The following FLACC1 variants were observed in gnomAD, a reference collection of about 807,000 sequenced individuals.
FLACC1 encodes flagellum-associated coiled-coil domain-containing protein 1.
A neutral mutation model predicts 62.8 loss-of-function variants in FLACC1; 66 were observed. The observed-to-expected ratio is 1.05, with a 90% CI of 0.86 to 1.29. The LOEUF is 1.29. Ranked by LOEUF, FLACC1 falls within the 50% of genes most tolerant of loss-of-function variation. The pLI is 0.00. For synonymous variants in FLACC1, 156 were observed against 161.0 expected (o/e 0.97, Z 0.24); for missense variants, 452 against 489.1 (o/e 0.92, Z 0.71).
At position 201,348,319 on chromosome 2, in the gene FLACC1, T is replaced by C. The variant is rs1299824777; in HGVS notation, c.186-17A>G. ...ATTTTCATTCTGCAAGAGAAAGACA[T>C]GCTCAGAAAGCAACCAGACAGCAAA... On this transcript the variant is annotated splice_polypyrimidine_tract_variant and intron_variant, in intron 3 of 14. Coordinates refer to ENST00000392257, the MANE Select transcript of FLACC1 (RefSeq NM_001127391.3). The C allele has an allele frequency of 6.2e-7, 1 of 1,610,756 alleles. No homozygotes were observed. Among genetic ancestry groups the C allele is most frequent in the South Asian group, 1.1e-5 (1 of 90,696 alleles).
intron 9 of FLACC1, among the ~76,000 whole-genome samples, chr2:201,323,784 C>CAAAAAAAAAAGAAAA (rs1950448740): frequency 1.9e-5 from 1 of 52,768 alleles, no homozygotes; most frequent in African/African-American, 1.0e-4. Flanking sequence ...CAGACTCTAT[C>CAAAAAAAAAAGAAAA]AAAAAAAAAA....
chr2:201,290,601 A>G (rs1949711008), intron 12 of FLACC1, among the ~76,000 whole-genome samples: 1 of 152,180 alleles, frequency 6.6e-6, no homozygotes, highest in African/African-American at 2.4e-5. Context: ...TCCCAGCGTG[A>G]GCGATGCAGA....
At chr2:201,359,756 C>T (rs751581535), upstream of FLACC1, among the ~76,000 whole-genome samples, 3 of 152,060 alleles carry the variant, frequency 2.0e-5, no homozygotes, top group Non-Finnish European at 4.4e-5. Flanking sequence ...GCTGCTTCAA[C>T]TCTGAGCACC....
chr2:201,303,196 G>A (rs1310861281), intron 11 of FLACC1, among the ~76,000 whole-genome samples: 1 of 151,872 alleles, frequency 6.6e-6, no homozygotes, highest in Non-Finnish European at 1.5e-5. Flanking sequence ...GACTAATAAA[G>A]AAGAAAAGAG....
At position 201,346,694 on chromosome 2, in the gene FLACC1, T is replaced by G; in HGVS notation, c.235-19A>C. ...TCACTTCCTAGGCATCAAGGGAAAG[T>G]AAGATAAAATGGCAGACTTGGAGTG... On this transcript the variant is annotated intron_variant, in intron 4 of 14. Coordinates refer to ENST00000392257, the MANE Select transcript of FLACC1 (RefSeq NM_001127391.3). This position sits in a 1 kb window ranked among gnomAD's most constrained non-coding sequence, Gnocchi z 4.0. The G allele has an allele frequency of 6.2e-7, 1 of 1,613,806 alleles. No homozygotes were observed. The highest frequency in any genetic ancestry group is 8.5e-7 in the Non-Finnish European group (1 of 1,179,972).
upstream of FLACC1, among the ~76,000 whole-genome samples, chr2:201,358,682 G>C (rs1263740586): frequency 2.0e-5 from 3 of 152,048 alleles, no homozygotes; most frequent in African/African-American, 7.2e-5. Flanking sequence ...CTCCCAAAGT[G>C]CTGGGATTAC....
At chr2:201,309,300 G>T in intron 9 of FLACC1, 50 bp from the exon 10 acceptor site, 2 of 1,403,072 alleles carry the variant, frequency 1.4e-6, no homozygotes, top group Non-Finnish European at 2.0e-6. Context: ...AAATGAAGGT[G>T]ACCTGGAGAG....
chr2:201,352,277 C>G (rs16837201), intron 1 of FLACC1, among the ~76,000 whole-genome samples: 2,553 of 152,302 alleles, frequency 0.017, 34 homozygotes, highest in Middle Eastern at 0.041. Flanking sequence ...AATGAATCTC[C>G]TCGTTTCTCA....
At chr2:201,353,568 T>C (rs1051202381) in intron 1 of FLACC1, among the ~76,000 whole-genome samples, 5 of 152,156 alleles carry the variant, frequency 3.3e-5, no homozygotes. Context: ...TGTCAGTGGA[T>C]ATTTCTTTTC....
intron 7 of FLACC1, among the ~76,000 whole-genome samples, chr2:201,336,335 G>A (rs1363084086): frequency 6.6e-6 from 1 of 152,162 alleles, no homozygotes; most frequent in Non-Finnish European, 1.5e-5. Flanking sequence ...CAAAGGACAT[G>A]ATTTTGTTCT....
intron 12 of FLACC1, among the ~76,000 whole-genome samples, chr2:201,291,383 T>G (rs1399981242): frequency 6.6e-6 from 1 of 152,262 alleles, no homozygotes. Context: ...TCTGCTGTTC[T>G]GCAGCCTCCG....
In FLACC1 at chr2:201,307,602, ATT is replaced by A. The variant is rs753453907; in HGVS notation, c.794_795del (p.Lys265IlefsTer10). On this transcript the variant is annotated frameshift_variant, in exon 11 of 15. Transcript: ENST00000392257. LOFTEE classifies it high-confidence loss of function. ...TCTTCTTCTCCTGACTCCATTTCGA[ATT>A]TTTTGGTCATCTTTTTTTCTGTGGA... ...LLQQKKKMTK[K>X]FEMESGEEDK... The A allele has an allele frequency of 6.2e-7, 1 of 1,613,938 alleles. No individual in the cohort carries two copies. Among genetic ancestry groups the A allele is most frequent in the African/African-American group, 1.3e-5 (1 of 75,036 alleles).
At chr2:201,320,906 T>C (rs1322293730) in intron 9 of FLACC1, among the ~76,000 whole-genome samples, 2 of 152,224 alleles carry the variant, frequency 1.3e-5, no homozygotes, top group Non-Finnish European at 2.9e-5. Flanking sequence ...CATCACCTCT[T>C]GGCTGGAGGC....
Position 201,344,183 on chromosome 2 carries a change from G to C in FLACC1, c.449C>G (p.Ser150Cys). 1 of 1,612,114 alleles carries C rather than the reference G, an allele frequency of 6.2e-7. No homozygotes were observed. The highest frequency in any genetic ancestry group is 8.5e-7 in the Non-Finnish European group (1 of 1,178,638). Residue 150 changes from serine (S) to cysteine (C), a missense_variant, in exon 6 of 15, where the codon TCT becomes TGT. Coordinates refer to ENST00000392257, the MANE Select transcript of FLACC1 (RefSeq NM_001127391.3). ...IIEQMNRDHQ[S>C]AQKLLSSEMD... ...AAGGTCACTCACCAATTTCTGGGCAGACTGGTGGTCTCTGTTCATTTGTTC... is the reference window on the plus strand; with the variant it reads ...AAGGTCACTCACCAATTTCTGGGCACACTGGTGGTCTCTGTTCATTTGTTC...
intron 9 of FLACC1, among the ~76,000 whole-genome samples, chr2:201,312,731 A>G (rs1219237889): frequency 1.3e-5 from 2 of 148,574 alleles, no homozygotes; most frequent in Non-Finnish European, 3.0e-5. Context: ...TGCAGCTCCC[A>G]CTCGGATGGA....
Position 201,346,487 on chromosome 2 carries a change from G to A in FLACC1, c.368+55C>T, listed in dbSNP as rs536845964. 6.2e-7 allele frequency: 1 copy of A among 1,602,908 alleles called. No individual in the cohort carries two copies. Among genetic ancestry groups the A allele is most frequent in the African/African-American group, 1.3e-5 (1 of 74,990 alleles). ...GGCTTTGGCTTGTCCCTGAGGCCGG[G>A]CTGAGCTGGGTGGGAGTAGCCCCAA... On this transcript the variant is annotated intron_variant, in intron 5 of 14. Coordinates refer to ENST00000392257, the MANE Select transcript of FLACC1 (RefSeq NM_001127391.3). This position sits in a 1 kb window ranked among gnomAD's most constrained non-coding sequence, Gnocchi z 4.0.
At chr2:201,292,709 C>A (rs977802040) in intron 12 of FLACC1, among the ~76,000 whole-genome samples, 1 of 152,092 alleles carries the variant, frequency 6.6e-6, no homozygotes, top group African/African-American at 2.4e-5. Flanking sequence ...CTAAATGCTC[C>A]AATTAAAAGA....
chr2:201,304,930 A>G (rs964098458), intron 11 of FLACC1, among the ~76,000 whole-genome samples: 1 of 152,244 alleles, frequency 6.6e-6, no homozygotes, highest in Admixed American at 6.5e-5. Context: ...ACAAAAATTA[A>G]TTCAAGATGG....
At chr2:201,330,905 G>C in intron 7 of FLACC1, 72 bp from the exon 8 acceptor site, 1 of 1,182,846 alleles carries the variant, frequency 8.5e-7, no homozygotes, top group East Asian at 2.5e-5. Flanking sequence ...ACCCTGATCT[G>C]ATCCTACCCT....
Sources: allele counts gnomAD v4.1 joint callset (sites outside exome capture counted in the v4.1 genomes callset), GRCh38; gene constraint gnomAD v4.1.1; non-coding constraint Gnocchi (gnomAD v3.1); transcripts MANE v1.5; gene names NCBI Gene and HGNC (gene_info 2026-07-23, HGNC 2026-07-21).